Variants in TM9SF3 observed in about 807,000 individuals in gnomAD.
TM9SF3 encodes the protein SM-11044-binding protein.
In TM9SF3, 14 loss-of-function variants were observed where a neutral mutation model predicts 78.6. That is an observed-to-expected ratio of 0.18 (90% confidence interval 0.12 to 0.28). The LOEUF (loss-of-function observed/expected upper bound fraction) is 0.28. TM9SF3 is among the 10% of genes least tolerant of loss of function. The pLI is 1.00. For missense variants in TM9SF3, 496 were observed against 721.9 expected, an observed-to-expected ratio of 0.69 and a Z score of 3.59; for synonymous variants, 231 against 241.7, an observed-to-expected ratio of 0.96 and a Z score of 0.41.
At chr10:96,569,205 T>G (rs1486874734) in intron 2 of TM9SF3, among the ~76,000 whole-genome samples, 1 of 152,150 alleles carries the variant, frequency 6.6e-6, no homozygotes, top group Non-Finnish European at 1.5e-5. Flanking sequence ...TGCCAATATA[T>G]TCACAGAAAG....
intron 9 of TM9SF3, 78 bp downstream of exon 9, chr10:96,543,998 A>T: frequency 7.1e-7 from 1 of 1,414,038 alleles, no homozygotes; most frequent in Non-Finnish European, 9.6e-7. Flanking sequence ...TCTAATAAGA[A>T]GTATTTTGGA....
At chr10:96,578,098 T>C (rs1317259735) in intron 1 of TM9SF3, among the ~76,000 whole-genome samples, 5 of 152,182 alleles carry the variant, frequency 3.3e-5, no homozygotes, top group Non-Finnish European at 7.4e-5. Flanking sequence ...TGTATGTTCT[T>C]ACCAAAAACA....
chr10:96,531,138 G>C (rs1475224370), intron 10 of TM9SF3, among the ~76,000 whole-genome samples: 1 of 152,024 alleles, frequency 6.6e-6, no homozygotes, highest in East Asian at 1.9e-4. Context: ...AAATAAAATT[G>C]AAACTTCATT....
intron 8 of TM9SF3, among the ~76,000 whole-genome samples, chr10:96,545,091 C>G (rs1169193130): frequency 3.9e-5 from 6 of 152,076 alleles, no homozygotes; most frequent in African/African-American, 4.8e-5. Flanking sequence ...ATCAAGGGAA[C>G]AAATTTTTTA....
Position 96,566,984 on chromosome 10 carries a change from G to A in TM9SF3, c.299-1558C>T, listed in dbSNP as rs79172103. Among the ~76,000 whole-genome samples the A allele has an allele frequency of 3.5e-4, 53 of 151,970 alleles. 1 individual carries two copies. The highest frequency in any genetic ancestry group is 1.1e-3 in the African/African-American group (46 of 41,432). ...CTGCAAAGCCATTGAATTCCTTGCCGTTAGAAACAAATATTCATTGATAAT... is the reference window on the plus strand; with the variant it reads ...CTGCAAAGCCATTGAATTCCTTGCCATTAGAAACAAATATTCATTGATAAT... On this transcript the variant is annotated intron_variant, in intron 2 of 14. Coordinates refer to ENST00000371142, the MANE Select transcript of TM9SF3 (RefSeq NM_020123.4).
intron 5 of TM9SF3, among the ~76,000 whole-genome samples, chr10:96,558,538 C>T (rs1207450019): frequency 6.6e-6 from 1 of 151,252 alleles, no homozygotes; most frequent in Admixed American, 6.6e-5. Flanking sequence ...CCCAGCTACT[C>T]GGGAGGCTGA....
rs1346013452 is a variant in TM9SF3, at chr10:96,586,949, C to A, written c.-114G>T. Reference sequence around the variant, plus strand: ...TTCGCATCCACGGGGCGCGGACAGACGCACGGGGCCCGGCCCAGCCGCTGC... The same window carrying A: ...TTCGCATCCACGGGGCGCGGACAGAAGCACGGGGCCCGGCCCAGCCGCTGC... On this transcript the variant is annotated 5_prime_UTR_variant, in exon 1 of 15. Coordinates refer to ENST00000371142, the MANE Select transcript of TM9SF3 (RefSeq NM_020123.4). 22 of 851,802 alleles carry A rather than the reference C, an allele frequency of 2.6e-5. No homozygotes were observed. Among genetic ancestry groups the A allele is most frequent in the Non-Finnish European group, 2.8e-5 (19 of 671,828 alleles). 52.8% of individuals were successfully genotyped at this position (851,802 alleles called of 1,614,324 possible). A position where few individuals can be genotyped will look rare whatever the true frequency, so the allele number is the denominator to read the frequency against.
intron 6 of TM9SF3, among the ~76,000 whole-genome samples, chr10:96,552,310 G>T (rs181086902): frequency 4.1e-4 from 62 of 152,166 alleles, no homozygotes; most frequent in African/African-American, 1.3e-3. Context: ...ATAGCCAGGG[G>T]TGGGGGCTTG....
At chr10:96,549,464 T>C (rs1022569381) in intron 7 of TM9SF3, among the ~76,000 whole-genome samples, 2 of 152,182 alleles carry the variant, frequency 1.3e-5, no homozygotes, top group African/African-American at 4.8e-5. Context: ...GGGTGCTCAT[T>C]GATCTCAGTC....
chr10:96,523,561 C>T (rs1178805720), intron 14 of TM9SF3, among the ~76,000 whole-genome samples: 1 of 151,826 alleles, frequency 6.6e-6, no homozygotes. Flanking sequence ...CTATCAATGG[C>T]TGCTAACTTC....
intron 14 of TM9SF3, among the ~76,000 whole-genome samples, chr10:96,522,835 TTTTTTA>T (rs1364496594): frequency 2.6e-5 from 4 of 151,996 alleles, no homozygotes; most frequent in African/African-American, 9.6e-5. Context: ...TGACAGCTTC[TTTTTTA>T]TTTTTAAGTT....
intron 10 of TM9SF3, among the ~76,000 whole-genome samples, chr10:96,531,383 G>T (rs946528565): frequency 1.6e-5 from 2 of 125,950 alleles, no homozygotes; most frequent in African/African-American, 5.2e-5. Flanking sequence ...AAATACATGT[G>T]TGTACATATA....
intron 2 of TM9SF3, among the ~76,000 whole-genome samples, chr10:96,572,616 T>G (rs984654507): frequency 9.4e-5 from 14 of 148,554 alleles, no homozygotes; most frequent in African/African-American, 3.5e-4. Flanking sequence ...AAGCTCCGCC[T>G]CCTGGGTTCA....
intron 2 of TM9SF3, among the ~76,000 whole-genome samples, chr10:96,568,713 T>G (rs927723081): frequency 1.3e-5 from 2 of 152,002 alleles, no homozygotes; most frequent in African/African-American, 4.8e-5. Context: ...TGGCAAAGTC[T>G]CTCTTCAAAG....
chr10:96,584,710 C>T (rs1339617198), intron 1 of TM9SF3, among the ~76,000 whole-genome samples: 1 of 152,106 alleles, frequency 6.6e-6, no homozygotes, highest in Non-Finnish European at 1.5e-5. Context: ...AGCTACTTGG[C>T]TAAGGCACGA....
chr10:96,564,429 T>C (rs535102986), intron 3 of TM9SF3, among the ~76,000 whole-genome samples: 33 of 152,224 alleles, frequency 2.2e-4, no homozygotes, highest in Non-Finnish European at 4.6e-4. Context: ...TGTGTTACCA[T>C]AATGGTAACT....
chr10:96,564,072 C>T (rs1848342577), intron 3 of TM9SF3, among the ~76,000 whole-genome samples: 1 of 151,238 alleles, frequency 6.6e-6, no homozygotes, highest in African/African-American at 2.4e-5. Flanking sequence ...TTGCTTGAAG[C>T]CAGAAGTTTG....
At chr10:96,578,625 T>C (rs1332648173) in intron 1 of TM9SF3, among the ~76,000 whole-genome samples, 1 of 152,198 alleles carries the variant, frequency 6.6e-6, no homozygotes, top group Non-Finnish European at 1.5e-5. Context: ...CTGACAAATA[T>C]ATGTATGCCC....
chr10:96,572,289 C>T (rs562120062), intron 2 of TM9SF3, among the ~76,000 whole-genome samples: 103 of 152,032 alleles, frequency 6.8e-4, no homozygotes, highest in African/African-American at 2.2e-3. Context: ...TTATTTCCCA[C>T]ACTTCACAGA....
Sources: allele counts gnomAD v4.1 joint callset (sites outside exome capture counted in the v4.1 genomes callset), GRCh38; gene constraint gnomAD v4.1.1; transcripts MANE v1.5; gene names NCBI Gene and HGNC (gene_info 2026-07-23, HGNC 2026-07-21).